The following KLRC1 variants were observed in gnomAD, a reference collection of about 807,000 sequenced individuals.
KLRC1 encodes NKG2-A/NKG2-B type II integral membrane protein.
Under a neutral mutation model 25.9 loss-of-function variants are expected in KLRC1, and 22 were observed. The observed-to-expected ratio is 0.85, with a 90% CI of 0.61 to 1.21. The LOEUF (loss-of-function observed/expected upper bound fraction) is 1.21, where lower values mean the gene tolerates loss of function less well. Ranked by LOEUF, KLRC1 falls within the 50% of genes most tolerant of loss-of-function variation. The probability of loss-of-function intolerance (pLI) is 0.00; values close to 1 mark genes in which losing one functional copy is unlikely to be tolerated. For missense variants in KLRC1, 240 were observed against 272.2 expected, an observed-to-expected ratio of 0.88 and a Z score of 0.83; for synonymous variants, 77 against 93.1, an observed-to-expected ratio of 0.83 and a Z score of 0.99.
intron 5 of KLRC1, among the ~76,000 whole-genome samples, chr12:10,448,802 A>G (rs1365649294): frequency 6.6e-6 from 1 of 152,248 alleles, no homozygotes. Flanking sequence ...AACGTTATTT[A>G]TAACATTAAA....
rs200705945 is a variant in KLRC1 at position 10,449,413 on chromosome 12, C to T, written c.338-25G>A. The T allele has an allele frequency of 3.8e-4, 608 of 1,601,502 alleles. 1 individual carries two copies. The highest frequency in any genetic ancestry group is 4.9e-4 in the Non-Finnish European group (580 of 1,175,528). On this transcript the variant is annotated intron_variant, in intron 4 of 6. Transcript: ENST00000359151. ...GCTAAATAAAGATATGAATTACTAT[C>T]TAGACCAATATGAATTTTTAAAAAT... is the stretch of plus-strand genomic sequence containing the variant.
At chr12:10,450,108 A>G (rs1174105107) in intron 3 of KLRC1, 141 bp from the exon 4 acceptor site, 8 of 671,730 alleles carry the variant, frequency 1.2e-5, no homozygotes, top group Non-Finnish European at 1.7e-5. Flanking sequence ...AAATTTGATA[A>G]AGTAATGGTG....
chr12:10,443,027 A>G (rs1415140412), downstream of KLRC1, among the ~76,000 whole-genome samples: 1 of 116,858 alleles, frequency 8.6e-6, no homozygotes, highest in Non-Finnish European at 1.8e-5. Flanking sequence ...GGGAGGTGAA[A>G]ATGGTTAATT....
At chr12:10,449,461 A>C (rs1457988358) in intron 4 of KLRC1, 73 bp from the exon 5 acceptor site, 39 of 1,581,816 alleles carry the variant, frequency 2.5e-5, no homozygotes, top group Non-Finnish European at 3.3e-5. Context: ...ACATATTTGC[A>C]AACATATAAA....
chr12:10,445,985 A>G (rs60260155), downstream of KLRC1: 1 of 151,516 alleles, frequency 6.6e-6, no homozygotes, highest in African/African-American at 2.4e-5. Context: ...TTTAAAAATT[A>G]CTTTAGAGAA....
At chr12:10,451,250 A>C (rs1864120766) in intron 1 of KLRC1, 63 bp from the exon 2 acceptor site, 6 of 958,744 alleles carry the variant, frequency 6.3e-6, no homozygotes, top group Non-Finnish European at 8.5e-6. Flanking sequence ...TAGTGCAATT[A>C]AAAGGGTGAG....
intron 1 of KLRC1, 40 bp downstream of exon 1, chr12:10,453,158 G>A: frequency 1.1e-6 from 1 of 905,248 alleles, no homozygotes; most frequent in Non-Finnish European, 1.3e-6. Flanking sequence ...CCCACTAAAT[G>A]AGGTAGGCTA....
intron 5 of KLRC1, among the ~76,000 whole-genome samples, chr12:10,448,080 G>C (rs1054826328): frequency 6.6e-6 from 1 of 152,068 alleles, no homozygotes; most frequent in African/African-American, 2.4e-5. Context: ...TTTTTTATCT[G>C]ATTTGGTTTT....
At chr12:10,443,504 C>T (rs1174986080), downstream of KLRC1, among the ~76,000 whole-genome samples, 1 of 138,790 alleles carries the variant, frequency 7.2e-6, no homozygotes, top group East Asian at 2.2e-4. Flanking sequence ...TTTATCATTG[C>T]ATGTACCTAA....
chr12:10,447,679 A>G (rs1381373395), intron 5 of KLRC1, 47 bp from the exon 6 acceptor site: 3 of 1,458,736 alleles, frequency 2.1e-6, no homozygotes, highest in Non-Finnish European at 2.8e-6. Flanking sequence ...TTATGAAAAC[A>G]TTACAAAAAC....
downstream of KLRC1, among the ~76,000 whole-genome samples, chr12:10,443,369 A>G (rs1310480878): frequency 1.4e-5 from 2 of 140,460 alleles, 1 homozygote; most frequent in African/African-American, 5.5e-5. Flanking sequence ...TGCCTCACAA[A>G]CTGGTAGAAC....
intron 3 of KLRC1, 118 bp from the exon 4 acceptor site, chr12:10,450,085 T>C (rs1864090022): frequency 1.2e-6 from 1 of 828,766 alleles, no homozygotes. Context: ...TGGAATAAAA[T>C]TGATTTTAAG....
Position 10,446,601 on chromosome 12 carries a change from A to G in KLRC1, c.652T>C (p.Ser218Pro), listed in dbSNP as rs1863991247. 6.2e-7 allele frequency: 1 copy of G among 1,613,982 alleles called. No individual in the cohort carries two copies. ...ATTATTGAAGATCCACACTGGGCTG[A>G]TTTAAGTCGATTTACTTGTAGCACT... ...CAVLQVNRLK[S>P]AQCGSSIIYH... Residue 218 changes from serine to proline, a missense_variant, in exon 7 of 7, where the codon TCA becomes CCA. Ser to Pro is a moderately conservative substitution (Grantham distance 74, BLOSUM62 -1). Coordinates refer to ENST00000359151, the MANE Select transcript of KLRC1 (RefSeq NM_002259.5).
chr12:10,449,184 A>G (rs1864067137), intron 5 of KLRC1, 53 bp downstream of exon 5: 2 of 1,607,198 alleles, frequency 1.2e-6, no homozygotes, highest in Non-Finnish European at 1.7e-6. Flanking sequence ...CTACAAATAT[A>G]TTATCGACCG....
chr12:10,452,472 T>TA (rs949995889), intron 1 of KLRC1, among the ~76,000 whole-genome samples: 2 of 152,182 alleles, frequency 1.3e-5, no homozygotes, highest in African/African-American at 4.8e-5. Context: ...TTTGTTAATC[T>TA]AAAATGGGCA....
intron 2 of KLRC1, 60 bp downstream of exon 2, chr12:10,450,910 T>C (rs1864110322): frequency 7.8e-7 from 1 of 1,278,154 alleles, no homozygotes; most frequent in East Asian, 2.3e-5. Flanking sequence ...TTCCCCACAT[T>C]CCTGTACCCC....
chr12:10,449,379 C>T lies in KLRC1; in HGVS notation c.347G>A (p.Cys116Tyr). The T allele has an allele frequency of 6.2e-7, 1 of 1,613,156 alleles. No individual in the cohort carries two copies. Among genetic ancestry groups the T allele is most frequent in the East Asian group, 2.2e-5 (1 of 44,842 alleles). ...AATCCACTCCTCAGGACAATGGCCACAATGACGTGCTAAATAAAGATATGA... is the reference window on the plus strand; with the variant it reads ...AATCCACTCCTCAGGACAATGGCCATAATGACGTGCTAAATAAAGATATGA... ...LNTRTQKARH[C>Y]GHCPEEWITY... The change falls in exon 5 of 7, where the codon TGT becomes TAT. Residue 116 changes from cysteine to tyrosine, a missense_variant. Coordinates refer to ENST00000359151, the MANE Select transcript of KLRC1 (RefSeq NM_002259.5).
At chr12:10,446,994 C>A (rs35170358) in intron 6 of KLRC1, among the ~76,000 whole-genome samples, 7 of 152,146 alleles carry the variant, frequency 4.6e-5, no homozygotes, top group Admixed American at 2.0e-4. Context: ...CTACTAATAA[C>A]AAAATTATAG....
intron 6 of KLRC1, among the ~76,000 whole-genome samples, 163 bp from the exon 7 acceptor site, chr12:10,446,825 C>T (rs1349774261): frequency 1.3e-5 from 2 of 152,110 alleles, no homozygotes; most frequent in Non-Finnish European, 2.9e-5. Flanking sequence ...ACAGAGTAGT[C>T]CCCCTTCATC....
Sources: allele counts gnomAD v4.1 joint callset (sites outside exome capture counted in the v4.1 genomes callset), GRCh38; gene constraint gnomAD v4.1.1; transcripts MANE v1.5; gene names NCBI Gene and HGNC (gene_info 2026-07-23, HGNC 2026-07-21).